The following XKR9 variants were observed in gnomAD, a reference collection of about 807,000 sequenced individuals.
The protein encoded by XKR9 is XK related 9, also known as XK-related protein 9.
A neutral mutation model predicts 32.0 loss-of-function variants in XKR9; 32 were observed. The observed-to-expected ratio is 1.00, with a 90% confidence interval of 0.76 to 1.34. The LOEUF is 1.34. Ranked by LOEUF, XKR9 falls within the 40% of genes most tolerant of loss-of-function variation. XKR9 has a pLI of 0.00. For missense variants in XKR9, 546 were observed against 429.7 expected, an observed-to-expected ratio of 1.27 and a Z score of -2.39; for synonymous variants, 168 against 143.4, an observed-to-expected ratio of 1.17 and a Z score of -1.22.
At chr8:70,902,130 A>T in the XKR9 span, among the ~76,000 whole-genome samples, 1 of 152,182 alleles carries the variant, frequency 6.6e-6, no homozygotes, top group African/African-American at 2.4e-5. Context: ...TGTCTTTGCT[A>T]TGTGGGCTCT....
chr8:70,806,186 T>G, the XKR9 span, among the ~76,000 whole-genome samples: 48 of 152,052 alleles, frequency 3.2e-4, no homozygotes, highest in Admixed American at 1.6e-3. Context: ...ACCTGACCAT[T>G]GAAAGAAAAA....
intron 2 of XKR9, among the ~76,000 whole-genome samples, chr8:70,768,322 G>T (rs1807405998): frequency 6.6e-6 from 1 of 152,178 alleles, no homozygotes; most frequent in Non-Finnish European, 1.5e-5. Context: ...CATTTGCTGA[G>T]AAGTGTTTTA....
intron 2 of XKR9, among the ~76,000 whole-genome samples, chr8:70,783,077 C>T (rs2130256029): frequency 6.6e-6 from 1 of 152,300 alleles, no homozygotes; most frequent in East Asian, 1.9e-4. Context: ...CTTTTTGTCA[C>T]ATTCTTGCCA....
At chr8:70,955,442 A>G in the XKR9 span, among the ~76,000 whole-genome samples, 13 of 152,224 alleles carry the variant, frequency 8.5e-5, no homozygotes, top group Non-Finnish European at 1.8e-4. Context: ...AATTTTCTCC[A>G]TGCTGGGGAA....
the XKR9 span, among the ~76,000 whole-genome samples, chr8:70,934,782 A>G: frequency 1.3e-5 from 2 of 151,960 alleles, no homozygotes; most frequent in Admixed American, 6.6e-5. Context: ...GCAGAGTCCA[A>G]CTTGATGTAA....
the XKR9 span, among the ~76,000 whole-genome samples, chr8:70,856,045 G>A: frequency 1.3e-5 from 2 of 152,072 alleles, no homozygotes; most frequent in African/African-American, 2.4e-5. Context: ...AAAGACCATC[G>A]AGGCTAGGAA....
the XKR9 span, among the ~76,000 whole-genome samples, chr8:70,840,739 G>C: frequency 3.9e-5 from 6 of 152,238 alleles, no homozygotes; most frequent in East Asian, 9.6e-4. Context: ...TAGTGTGCTT[G>C]ACTAAGATTA....
chr8:70,823,839 C>T, the XKR9 span, among the ~76,000 whole-genome samples: 1 of 151,970 alleles, frequency 6.6e-6, no homozygotes, highest in African/African-American at 2.4e-5. Flanking sequence ...GGACAGGGGT[C>T]TATATAGAAA....
At position 70,735,119 on chromosome 8, in the gene XKR9, C is replaced by A. The variant is rs1806822143; in HGVS notation, c.*695C>A. The A allele has an allele frequency of 2.6e-5, 4 of 151,948 alleles. No homozygotes were observed. Among genetic ancestry groups the A allele is most frequent in the African/African-American group, 9.7e-5 (4 of 41,404 alleles). The allele number at this position is 151,948 out of a possible 1,614,324, so 9.4% of individuals were successfully genotyped here. ...TATTTTTAAAAAATTATGGTAAAAA[C>A]ATATAAAATTTACCATCTTAATCAC... On this transcript the variant is annotated 3_prime_UTR_variant, in exon 5 of 5. Coordinates refer to ENST00000408926, the MANE Select transcript of XKR9 (RefSeq NM_001011720.2).
At chr8:70,836,875 A>G in the XKR9 span, among the ~76,000 whole-genome samples, 1 of 152,050 alleles carries the variant, frequency 6.6e-6, no homozygotes, top group Non-Finnish European at 1.5e-5. Flanking sequence ...CTTTTCTTCT[A>G]CTGGTTCAAC....
At chr8:71,050,238 T>G in the XKR9 span, among the ~76,000 whole-genome samples, 12,170 of 122,626 alleles carry the variant, frequency 0.099, 605 homozygotes, top group African/African-American at 0.15. Flanking sequence ...CTGGCAGAGA[T>G]ATATATATAT....
chr8:71,027,915 G>A, the XKR9 span, among the ~76,000 whole-genome samples: 7 of 151,960 alleles, frequency 4.6e-5, no homozygotes, highest in African/African-American at 1.7e-4. Flanking sequence ...GACTACAGGA[G>A]TGCAGCACCT....
intron 2 of XKR9, among the ~76,000 whole-genome samples, chr8:70,747,554 G>T (rs1807076204): frequency 6.6e-6 from 1 of 152,174 alleles, no homozygotes; most frequent in Non-Finnish European, 1.5e-5. Flanking sequence ...GTTCCCACCA[G>T]CAAGAAGGGT....
the XKR9 span, among the ~76,000 whole-genome samples, chr8:70,902,932 T>C: frequency 7.2e-5 from 11 of 152,268 alleles, no homozygotes; most frequent in East Asian, 1.4e-3. Context: ...GTTTATATGA[T>C]GGATTATGTG....
the XKR9 span, among the ~76,000 whole-genome samples, chr8:70,904,617 T>G: frequency 9.2e-5 from 14 of 152,246 alleles, no homozygotes; most frequent in African/African-American, 3.4e-4. Flanking sequence ...TTAGTCCATT[T>G]ACATTTAAGG....
intron 2 of XKR9, among the ~76,000 whole-genome samples, chr8:70,765,274 T>C (rs1807360351): frequency 6.6e-6 from 1 of 152,226 alleles, no homozygotes; most frequent in African/African-American, 2.4e-5. Flanking sequence ...GAATTTTTAA[T>C]GATCACTATT....
the XKR9 span, among the ~76,000 whole-genome samples, chr8:70,910,799 T>G: frequency 2.6e-5 from 4 of 152,228 alleles, no homozygotes. Context: ...GAGGAAGAAC[T>G]GGTCTTCAGG....
the XKR9 span, among the ~76,000 whole-genome samples, chr8:70,854,209 G>C: frequency 6.6e-6 from 1 of 152,070 alleles, no homozygotes; most frequent in Non-Finnish European, 1.5e-5. Context: ...ACTTTTTAAT[G>C]ATCGGCATTC....
chr8:70,726,939 T>A (rs1806489465), intron 4 of XKR9, among the ~76,000 whole-genome samples: 1 of 152,186 alleles, frequency 6.6e-6, no homozygotes, highest in Non-Finnish European at 1.5e-5. Flanking sequence ...TCATTAGACA[T>A]CCACCTTACA....
Sources: gnomAD v4.1 joint callset for allele counts (sites outside exome capture counted in the v4.1 genomes callset) on GRCh38, gnomAD v4.1.1 for gene constraint, MANE v1.5 for transcripts, NCBI Gene and HGNC (gene_info 2026-07-23, HGNC 2026-07-21) for gene names.